The following ZSCAN5A variants were observed in gnomAD, a reference collection of about 807,000 sequenced individuals.
ZSCAN5A encodes zinc finger and SCAN domain-containing protein 5A.
A neutral mutation model predicts 23.7 loss-of-function variants in ZSCAN5A; 12 were observed. The observed-to-expected ratio is 0.51, with a 90% CI of 0.32 to 0.82. ZSCAN5A has a LOEUF of 0.82. Among genes scored for constraint, ZSCAN5A ranks in the 40% least tolerant of loss-of-function variants. ZSCAN5A has a pLI of 0.03. For synonymous variants in ZSCAN5A, 257 were observed against 239.9 expected, an observed-to-expected ratio of 1.07 and a Z score of -0.66; for missense variants, 597 against 617.9, an observed-to-expected ratio of 0.97 and a Z score of 0.36.
At chr19:56,344,909 CAAAAAAAAAAAAAAAAAAA>C (rs1019131536) in intron 2 of ZSCAN5A, among the ~76,000 whole-genome samples, 1 of 19,048 alleles carries the variant, frequency 5.2e-5, no homozygotes, top group African/African-American at 1.8e-4. Context: ...GACTCCGTCT[CAAAAAAAAAAAAAAAAAAA>C]AAAAAAAGAA....
intron 2 of ZSCAN5A, among the ~76,000 whole-genome samples, chr19:56,305,926 G>A (rs563847854): frequency 5.9e-5 from 9 of 151,456 alleles, no homozygotes; most frequent in Non-Finnish European, 1.5e-5. Flanking sequence ...CCCTGGGGTG[G>A]AAAGTGGCCT....
At chr19:56,232,890 C>A (rs892900637) in intron 2 of ZSCAN5A, among the ~76,000 whole-genome samples, 1 of 152,116 alleles carries the variant, frequency 6.6e-6, no homozygotes, top group Non-Finnish European at 1.5e-5. Flanking sequence ...CCATGTTGCC[C>A]AGGCTGGTCT....
chr19:56,228,469 A>G (rs2034178358), intron 2 of ZSCAN5A: 12 of 979,330 alleles, frequency 1.2e-5, no homozygotes, highest in Non-Finnish European at 1.5e-5. Flanking sequence ...AAATTAATGT[A>G]CTAAACATGC....
intron 2 of ZSCAN5A, chr19:56,347,103 G>A (rs919128095): frequency 2.0e-5 from 3 of 152,218 alleles, no homozygotes; most frequent in Non-Finnish European, 4.4e-5. Context: ...TCCTTTATTA[G>A]CCAGAGACCG....
intron 2 of ZSCAN5A, among the ~76,000 whole-genome samples, chr19:56,278,650 G>A (rs924580481): frequency 7.2e-5 from 11 of 152,202 alleles, no homozygotes; most frequent in African/African-American, 2.4e-4. Context: ...TGTGGGGTCT[G>A]CAAGCTGCAG....
rs138653804 is a variant in ZSCAN5A at position 56,222,895 on chromosome 19, G to A, written c.589-154C>T. ...CCCCTGGACCACCCCATCACCCCAC[G>A]TAAACATCACCATCTCATTTCTGTG... On this transcript the variant is annotated intron_variant, in intron 4 of 5. Transcript: ENST00000683990. Among the ~76,000 whole-genome samples, 310 of 152,164 alleles carry A rather than the reference G, an allele frequency of 2.0e-3. 2 individuals carry two copies. Among genetic ancestry groups the A allele is most frequent in the African/African-American group, 7.0e-3 (289 of 41,510 alleles).
rs532274130 is a variant in ZSCAN5A at position 56,344,923 on chromosome 19, A to G, written c.-358+18312T>C. The stretch of plus-strand genomic sequence containing the variant: ...AGACTCCGTCTCAAAAAAAAAAAAA[A>G]AAAAAAAAAAAAGAAAAAAAAGATA... On this transcript the variant is annotated intron_variant, in intron 2 of 6. Transcript: ENST00000587340. Among the ~76,000 whole-genome samples the G allele has an allele frequency of 8.3e-4, 122 of 146,844 alleles. 1 individual carries two copies. The highest frequency in any genetic ancestry group is 3.1e-3 in the African/African-American group (120 of 39,298).
chr19:56,254,973 C>T (rs896465467), intron 2 of ZSCAN5A, among the ~76,000 whole-genome samples: 12 of 151,984 alleles, frequency 7.9e-5, no homozygotes, highest in African/African-American at 2.9e-4. Flanking sequence ...TATGGTATCC[C>T]CCTATTCCAT....
chr19:56,331,266 C>T (rs962080070), intron 2 of ZSCAN5A, among the ~76,000 whole-genome samples: 1 of 152,030 alleles, frequency 6.6e-6, no homozygotes, highest in African/African-American at 2.4e-5. Flanking sequence ...TTTAGAATTG[C>T]TTTGACAATT....
chr19:56,304,898 TGCC>T (rs1411897375), intron 2 of ZSCAN5A: 431 of 597,958 alleles, frequency 7.2e-4, no homozygotes, highest in Non-Finnish European at 8.5e-4. Context: ...TCATCCCAAC[TGCC>T]TGGCATTTGA....
intron 2 of ZSCAN5A, among the ~76,000 whole-genome samples, chr19:56,327,053 C>T (rs1426614495): frequency 2.1e-5 from 3 of 146,120 alleles, no homozygotes; most frequent in Admixed American, 2.0e-4. Flanking sequence ...TATAGAAAAG[C>T]TACAGTGATT....
At chr19:56,244,291 C>T in intron 2 of ZSCAN5A, 1 of 1,610,196 alleles carries the variant, frequency 6.2e-7, no homozygotes, top group Non-Finnish European at 8.5e-7. Context: ...AAGAGCAGAT[C>T]CTGGACATGC....
At chr19:56,300,160 A>G (rs1349484389) in intron 2 of ZSCAN5A, among the ~76,000 whole-genome samples, 3 of 152,240 alleles carry the variant, frequency 2.0e-5, no homozygotes, top group Non-Finnish European at 4.4e-5. Context: ...TAGAAGAGAA[A>G]GAAAATAGTT....
intron 2 of ZSCAN5A, chr19:56,246,357 T>C (rs751294102): frequency 2.0e-5 from 10 of 494,696 alleles, no homozygotes; most frequent in Non-Finnish European, 3.3e-5. Flanking sequence ...TCATGAAAAG[T>C]GCCCCAAAGG....
At chr19:56,245,644 G>A (rs1484186881) in intron 2 of ZSCAN5A, among the ~76,000 whole-genome samples, 1 of 152,134 alleles carries the variant, frequency 6.6e-6, no homozygotes, top group East Asian at 1.9e-4. Flanking sequence ...TAGGGTGGGG[G>A]GTCAGAAATG....
chr19:56,234,067 G>A (rs73067881), intron 2 of ZSCAN5A, among the ~76,000 whole-genome samples: 7,348 of 152,206 alleles, frequency 0.048, 220 homozygotes, highest in Non-Finnish European at 0.063. Flanking sequence ...TTGTGTGTCC[G>A]GAGGCTGAAC....
At position 56,303,882 on chromosome 19, in the gene ZSCAN5A, C is replaced by A. The variant is rs1339614059; in HGVS notation, c.-128+9401G>T. ...CTTCAGAGCAGCTTGGGGGCAACCA[C>A]TGCAAGCAAAGCAGGCATGCACAGC... is the stretch of plus-strand genomic sequence containing the variant. On this transcript the variant is annotated intron_variant, in intron 2 of 5. Coordinates refer to ENST00000683990, the MANE Select transcript of ZSCAN5A (RefSeq NM_001322064.3). Among the ~76,000 whole-genome samples, 3 of 152,148 alleles carry A rather than the reference C, an allele frequency of 2.0e-5. No individual in the cohort carries two copies. The East Asian group carries it at 5.8e-4, about 29-fold the overall frequency.
upstream of ZSCAN5A, chr19:56,319,712 A>C: frequency 1.6e-6 from 1 of 624,164 alleles, no homozygotes. Flanking sequence ...TCATAGCAAA[A>C]TATGCACAAA....
chr19:56,222,444 T>G (rs566691777), intron 5 of ZSCAN5A, 118 bp from the exon 6 acceptor site: 17 of 1,557,910 alleles, frequency 1.1e-5, no homozygotes, highest in Non-Finnish European at 1.5e-5. Context: ...GCCTAAGACA[T>G]TGGACTGTAG....
Sources: allele counts gnomAD v4.1 joint callset (sites outside exome capture counted in the v4.1 genomes callset), GRCh38; gene constraint gnomAD v4.1.1; transcripts MANE v1.5; gene names NCBI Gene and HGNC (gene_info 2026-07-23, HGNC 2026-07-21).